The following SNTG1 variants were observed in gnomAD, a reference collection of about 807,000 sequenced individuals.
SNTG1 encodes syntrophin gamma 1.
SNTG1 carries 39 observed loss-of-function variants against 74.7 expected under a neutral mutation model. The ratio of observed to expected loss-of-function variants is 0.52; its 90% CI spans 0.40 to 0.68. The LOEUF (loss-of-function observed/expected upper bound fraction) is 0.68. Ranked by LOEUF, SNTG1 falls within the 30% of genes least tolerant of loss-of-function variation. The pLI is 0.00. For missense variants in SNTG1, 685 were observed against 609.5 expected, an observed-to-expected ratio of 1.12 and a Z score of -1.30; for synonymous variants, 254 against 217.1, an observed-to-expected ratio of 1.17 and a Z score of -1.49.
intron 18 of SNTG1, among the ~76,000 whole-genome samples, chr8:50,758,645 C>T (rs2095588108): frequency 1.3e-5 from 2 of 152,074 alleles, no homozygotes; most frequent in Non-Finnish European, 2.9e-5. Flanking sequence ...CTGCAAAGGA[C>T]ATGAACTCAT....
chr8:50,742,820 A>G (rs1327102651), intron 17 of SNTG1, among the ~76,000 whole-genome samples: 2 of 151,916 alleles, frequency 1.3e-5, no homozygotes, highest in African/African-American at 4.8e-5. Context: ...CCAAATTACT[A>G]AAATCAGAAA....
chr8:50,688,763 C>T (rs1056941346), intron 15 of SNTG1, among the ~76,000 whole-genome samples: 12 of 152,120 alleles, frequency 7.9e-5, no homozygotes, highest in Non-Finnish European at 1.3e-4. Flanking sequence ...TCCATATGAA[C>T]TTTAAAGTAG....
chr8:50,305,333 T>A (rs904447335), intron 2 of SNTG1, among the ~76,000 whole-genome samples: 1 of 152,142 alleles, frequency 6.6e-6, no homozygotes, highest in Non-Finnish European at 1.5e-5. Context: ...CAATTTTTGC[T>A]CGGGTGATAA....
intron 2 of SNTG1, among the ~76,000 whole-genome samples, chr8:50,198,251 T>C (rs1420499828): frequency 1.3e-5 from 2 of 152,134 alleles, no homozygotes; most frequent in African/African-American, 2.4e-5. Flanking sequence ...GTCTCCCGGG[T>C]TGAATCCGCC....
intron 2 of SNTG1, among the ~76,000 whole-genome samples, chr8:50,390,963 A>G (rs1369528463): frequency 2.0e-5 from 3 of 149,376 alleles, no homozygotes; most frequent in Admixed American, 2.0e-4. Flanking sequence ...GCTTCAGGAG[A>G]TTTTGGGCCA....
intron 1 of SNTG1, among the ~76,000 whole-genome samples, chr8:49,999,477 T>A (rs183211103): frequency 1.3e-5 from 2 of 152,300 alleles, no homozygotes; most frequent in East Asian, 3.9e-4. Flanking sequence ...TATAATAAAG[T>A]CAATTCAAGT....
chr8:50,024,346 A>T lies in SNTG1; in HGVS notation c.-103+112115A>T, dbSNP rs575141408. On this transcript the variant is annotated intron_variant, in intron 1 of 18. Coordinates refer to ENST00000642720, the MANE Select transcript of SNTG1 (RefSeq NM_018967.5). Reference sequence around the variant, plus strand: ...ACAGAATCCAGAACTACAAAAAGGAATAATTATATAACTTCAGAGCAAGAC... The same window carrying T: ...ACAGAATCCAGAACTACAAAAAGGATTAATTATATAACTTCAGAGCAAGAC... 1.5e-3 allele frequency among the ~76,000 whole-genome samples: 223 copies of T among 152,304 alleles called. 4 individuals are homozygous for T. Among genetic ancestry groups the T allele is most frequent in the African/African-American group, 5.2e-3 (215 of 41,576 alleles).
At chr8:49,955,333 T>TA (rs1810058229) in intron 1 of SNTG1, among the ~76,000 whole-genome samples, 1 of 152,184 alleles carries the variant, frequency 6.6e-6, no homozygotes, top group South Asian at 2.1e-4. Flanking sequence ...TGTCTTCCAA[T>TA]AGAGTTCCAG....
chr8:49,933,716 T>C (rs1421471895), intron 1 of SNTG1, among the ~76,000 whole-genome samples: 1 of 152,242 alleles, frequency 6.6e-6, no homozygotes, highest in African/African-American at 2.4e-5. Context: ...TGATGTCCAG[T>C]CTCATCCAAA....
At chr8:50,441,276 A>G (rs2093355234) in intron 5 of SNTG1, among the ~76,000 whole-genome samples, 1 of 152,190 alleles carries the variant, frequency 6.6e-6, no homozygotes, top group Admixed American at 6.5e-5. Flanking sequence ...CCCTGTCTCC[A>G]GCCAGGGTAC....
In SNTG1 at chr8:50,216,012, G is replaced by C. The variant is rs562713191; in HGVS notation, c.-28+43377G>C. Among the ~76,000 whole-genome samples, 159 of 152,262 alleles carry C rather than the reference G, an allele frequency of 1.0e-3. 2 individuals carry two copies. The highest frequency in any genetic ancestry group is 8.8e-4 in the Non-Finnish European group (60 of 68,030). ...GAATTTTTTTACAGAAAGCCAGAGA[G>C]TGTCTATCTCACTCAGGAGCATGGC... On this transcript the variant is annotated intron_variant, in intron 2 of 18. Coordinates refer to ENST00000642720, the MANE Select transcript of SNTG1 (RefSeq NM_018967.5).
rs980483578 is a variant in SNTG1 at position 50,793,630 on chromosome 8, T to G, written c.*801T>G. On this transcript the variant is annotated 3_prime_UTR_variant, in exon 19 of 19. Transcript: ENST00000642720. ...CTTGGTTTGAAAGAGATTTGTATTTTACCTAATAAGATTTATTATCAAATT... is the reference window on the plus strand; with the variant it reads ...CTTGGTTTGAAAGAGATTTGTATTTGACCTAATAAGATTTATTATCAAATT... The G allele has an allele frequency of 6.6e-6, 1 of 151,942 alleles. No homozygotes were observed. Among genetic ancestry groups the G allele is most frequent in the African/African-American group, 2.4e-5 (1 of 41,428 alleles). 9.4% of individuals were successfully genotyped at this position (151,942 alleles called of 1,614,324 possible). A position where few individuals can be genotyped will look rare whatever the true frequency, so the allele number is the denominator to read the frequency against.
At chr8:50,007,519 T>C (rs1815354230) in intron 1 of SNTG1, among the ~76,000 whole-genome samples, 1 of 152,078 alleles carries the variant, frequency 6.6e-6, no homozygotes, top group Non-Finnish European at 1.5e-5. Context: ...ATTAGCAAGA[T>C]TTAGGGATTC....
chr8:49,986,889 A>G (rs1022930529), intron 1 of SNTG1, among the ~76,000 whole-genome samples: 23 of 152,252 alleles, frequency 1.5e-4, no homozygotes, highest in African/African-American at 5.5e-4. Flanking sequence ...AAACAAATAA[A>G]TAAATAAATA....
chr8:50,588,844 T>C (rs1479263959), intron 12 of SNTG1, among the ~76,000 whole-genome samples: 4 of 152,180 alleles, frequency 2.6e-5, no homozygotes, highest in Non-Finnish European at 5.9e-5. Context: ...TACTTTATTA[T>C]TTTATTATTG....
intron 13 of SNTG1, among the ~76,000 whole-genome samples, chr8:50,611,996 G>A (rs932832664): frequency 2.0e-5 from 3 of 152,038 alleles, no homozygotes; most frequent in African/African-American, 4.8e-5. Context: ...GGGTTCAAAC[G>A]GTTCATCTGC....
At chr8:50,674,885 G>C (rs2095302911) in intron 15 of SNTG1, among the ~76,000 whole-genome samples, 1 of 151,762 alleles carries the variant, frequency 6.6e-6, no homozygotes, top group Admixed American at 6.6e-5. Flanking sequence ...CATTTGTTTT[G>C]AAGAACTTCT....
In SNTG1 at chr8:50,462,804, T is replaced by A. The variant is rs2093577683; in HGVS notation, c.363+12075T>A. ...CATCTTCAGGTTCTACTCTTTTTTT[T>A]TTTTTTTTTTTTTTTTTTTTTTTTT... On this transcript the variant is annotated intron_variant, in intron 8 of 18. Coordinates refer to ENST00000642720, the MANE Select transcript of SNTG1 (RefSeq NM_018967.5). Among the ~76,000 whole-genome samples the A allele has an allele frequency of 1.7e-4, 4 of 23,180 alleles. 1 individual carries two copies. Among genetic ancestry groups the A allele is most frequent in the East Asian group, 2.1e-3 (1 of 480 alleles). The allele number at this position is 23,180 out of a possible 152,430, so 15.2% of individuals were successfully genotyped here.
chr8:50,462,310 T>C (rs2131688258), intron 8 of SNTG1, among the ~76,000 whole-genome samples: 1 of 150,528 alleles, frequency 6.6e-6, no homozygotes, highest in Non-Finnish European at 1.5e-5. Context: ...AAAATGTACA[T>C]AACTTAATTA....
Sources: gnomAD v4.1 joint callset for allele counts (sites outside exome capture counted in the v4.1 genomes callset) on GRCh38, gnomAD v4.1.1 for gene constraint, MANE v1.5 for transcripts, NCBI Gene and HGNC (gene_info 2026-07-23, HGNC 2026-07-21) for gene names.